The following MAPK8 variants were observed in gnomAD, a reference collection of about 807,000 sequenced individuals.
The protein encoded by MAPK8 is mitogen-activated protein kinase 8, also known as JUN N-terminal kinase.
MAPK8 carries 13 observed loss-of-function variants against 52.9 expected under a neutral mutation model. That is an observed-to-expected ratio of 0.25 (90% CI 0.16 to 0.39). The LOEUF (loss-of-function observed/expected upper bound fraction) is 0.39, where lower values mean the gene tolerates loss of function less well. Among genes scored for constraint, MAPK8 ranks in the 10% least tolerant of loss-of-function variants. The pLI, the probability that MAPK8 is intolerant of heterozygous loss-of-function variation, is 1.00. For missense variants in MAPK8, 300 were observed against 519.2 expected, an observed-to-expected ratio of 0.58 and a Z score of 4.10; for synonymous variants, 191 against 169.8, an observed-to-expected ratio of 1.12 and a Z score of -0.97.
chr10:48,408,684 G>A (rs911726001), intron 3 of MAPK8, among the ~76,000 whole-genome samples: 6 of 152,162 alleles, frequency 3.9e-5, no homozygotes, highest in Non-Finnish European at 8.8e-5. Flanking sequence ...GTAAATGGTA[G>A]CTGGATTTGT....
intron 1 of MAPK8, among the ~76,000 whole-genome samples, chr10:48,334,320 G>A (rs1461592202): frequency 6.6e-6 from 1 of 152,100 alleles, no homozygotes; most frequent in East Asian, 1.9e-4. Flanking sequence ...TCCCCAACTG[G>A]AGGTTTCTTG....
intron 1 of MAPK8, among the ~76,000 whole-genome samples, chr10:48,365,765 A>G (rs1251778751): frequency 6.6e-6 from 1 of 152,150 alleles, no homozygotes; most frequent in Non-Finnish European, 1.5e-5. Context: ...GATATTTTAG[A>G]TATGAGTATA....
At position 48,426,376 on chromosome 10, in the gene MAPK8, G is replaced by A; in HGVS notation, c.872-4G>A. 1 of 1,602,492 alleles carries A rather than the reference G, an allele frequency of 6.2e-7. No homozygotes were observed. ...TATGTACATTAACACCATTATGTTTGCAGCCAGTCAGGCAAGGGATTTGTT... is the reference window on the plus strand; with the variant it reads ...TATGTACATTAACACCATTATGTTTACAGCCAGTCAGGCAAGGGATTTGTT... On this transcript the variant is annotated splice_polypyrimidine_tract_variant and splice_region_variant and intron_variant, in intron 8 of 11. Coordinates refer to ENST00000374189, the MANE Select transcript of MAPK8 (RefSeq NM_001323329.2).
chr10:48,384,972 T>A (rs2041222971), intron 1 of MAPK8, among the ~76,000 whole-genome samples: 2 of 149,354 alleles, frequency 1.3e-5, no homozygotes, highest in Non-Finnish European at 3.0e-5. Flanking sequence ...GAAGAGAGGC[T>A]CATATTTTTA....
chr10:48,329,797 G>A (rs1438819068), intron 1 of MAPK8, among the ~76,000 whole-genome samples: 3 of 152,104 alleles, frequency 2.0e-5, no homozygotes, highest in Non-Finnish European at 4.4e-5. Context: ...CTATTTACTG[G>A]TTTATTTTTA....
At chr10:48,378,173 T>A (rs2040787276) in intron 1 of MAPK8, among the ~76,000 whole-genome samples, 1 of 152,180 alleles carries the variant, frequency 6.6e-6, no homozygotes, top group South Asian at 2.1e-4. Context: ...TGTCATGATG[T>A]CCCTTGTCAC....
At chr10:48,360,633 T>C (rs543347070) in intron 1 of MAPK8, among the ~76,000 whole-genome samples, 5 of 152,200 alleles carry the variant, frequency 3.3e-5, no homozygotes, top group African/African-American at 4.8e-5. Flanking sequence ...GCCCAATTTG[T>C]GAACTACAGC....
intron 1 of MAPK8, among the ~76,000 whole-genome samples, chr10:48,361,657 T>G (rs963270388): frequency 2.0e-5 from 3 of 152,228 alleles, no homozygotes; most frequent in Non-Finnish European, 2.9e-5. Context: ...ACTATTATAC[T>G]TCTCTAAGTT....
intron 5 of MAPK8, among the ~76,000 whole-genome samples, chr10:48,415,634 T>C (rs4141840): frequency 0.96 from 146,708 of 152,222 alleles, 70,872 homozygotes; most frequent in East Asian, 1. Flanking sequence ...ATGCAAACAT[T>C]AAAACAAGGG....
Position 48,438,742 on chromosome 10 carries a change from CAGTA to C in MAPK8, c.*3718_*3721del, listed in dbSNP as rs1428341213. The C allele has an allele frequency of 6.6e-6, 1 of 152,130 alleles. No individual in the cohort carries two copies. The highest frequency in any genetic ancestry group is 1.5e-5 in the Non-Finnish European group (1 of 68,022). The allele number at this position is 152,130 out of a possible 1,614,324, so 9.4% of individuals were successfully genotyped here. A position where few individuals can be genotyped will look rare whatever the true frequency, so the allele number is the denominator to read the frequency against. ...TTTCTAGCCAATGTTGACACAATAC[CAGTA>C]AGTATGTAAAGTATATACCTTACAT... On this transcript the variant is annotated 3_prime_UTR_variant, in exon 12 of 12. Transcript: ENST00000374189.
chr10:48,425,324 T>C, intron 7 of MAPK8: 1 of 565,130 alleles, frequency 1.8e-6, no homozygotes, highest in Non-Finnish European at 3.2e-6. Flanking sequence ...GAATCTTTTT[T>C]ATAAGGGTCA....
intron 2 of MAPK8, among the ~76,000 whole-genome samples, chr10:48,404,489 G>T (rs1242239996): frequency 3.9e-5 from 6 of 152,084 alleles, no homozygotes; most frequent in Non-Finnish European, 1.5e-5. Context: ...TTTTCTTGAT[G>T]GAAGTACAAG....
At chr10:48,307,307 T>G (rs1260304378) in intron 1 of MAPK8, among the ~76,000 whole-genome samples, 1 of 152,204 alleles carries the variant, frequency 6.6e-6, no homozygotes, top group East Asian at 1.9e-4. Flanking sequence ...CGTATTTTGC[T>G]TCTCGATGCT....
chr10:48,373,571 C>CAAAAAAAAAAA lies in MAPK8; in HGVS notation c.-49-28024_-49-28014dup. On this transcript the variant is annotated intron_variant, in intron 1 of 11. Transcript: ENST00000374189. The stretch of plus-strand genomic sequence containing the variant: ...GAAGATTTACCAAGTAAATTGAAAG[C>CAAAAAAAAAAA]AAAAAAAAAAAAAAAAAAAAAAAAA... Among the ~76,000 whole-genome samples, 71 of 16,844 alleles carry CAAAAAAAAAAA rather than the reference C, an allele frequency of 4.2e-3. 23 individuals are homozygous for CAAAAAAAAAAA. Among genetic ancestry groups the CAAAAAAAAAAA allele is most frequent in the African/African-American group, 9.4e-3 (60 of 6,372 alleles). The allele number at this position is 16,844 out of a possible 152,430, so 11.1% of individuals were successfully genotyped here.
intron 1 of MAPK8, among the ~76,000 whole-genome samples, chr10:48,359,700 C>T (rs966734892): frequency 5.7e-4 from 86 of 151,982 alleles, no homozygotes; most frequent in Non-Finnish European, 1.2e-3. Flanking sequence ...CTAGGTTAAT[C>T]GGATAGACAC....
At chr10:48,355,209 T>C (rs1846758641) in intron 1 of MAPK8, among the ~76,000 whole-genome samples, 1 of 152,212 alleles carries the variant, frequency 6.6e-6, no homozygotes, top group Admixed American at 6.5e-5. Context: ...GTTGAAACTT[T>C]ATTAAAAGTC....
At chr10:48,328,457 T>G (rs1399653570) in intron 1 of MAPK8, among the ~76,000 whole-genome samples, 3 of 152,216 alleles carry the variant, frequency 2.0e-5, no homozygotes. Context: ...CTGTGTCCAT[T>G]TTGATCTGAC....
At chr10:48,378,979 T>C (rs1057079831) in intron 1 of MAPK8, among the ~76,000 whole-genome samples, 2 of 152,094 alleles carry the variant, frequency 1.3e-5, no homozygotes, top group Non-Finnish European at 2.9e-5. Context: ...GCAAAAAAAG[T>C]TTTAGAGTTA....
chr10:48,368,588 C>G (rs1223889040), intron 1 of MAPK8, among the ~76,000 whole-genome samples: 3 of 152,228 alleles, frequency 2.0e-5, no homozygotes, highest in Non-Finnish European at 4.4e-5. Context: ...TGGTCCACAA[C>G]CCTAATGAAG....
Sources: allele counts gnomAD v4.1 joint callset (sites outside exome capture counted in the v4.1 genomes callset), GRCh38; gene constraint gnomAD v4.1.1; transcripts MANE v1.5; gene names NCBI Gene and HGNC (gene_info 2026-07-23, HGNC 2026-07-21).